Variants in RANBP2 observed in about 807,000 individuals in gnomAD.
RANBP2 encodes the protein E3 SUMO-protein ligase RanBP2.
Under a neutral mutation model 303.6 loss-of-function variants are expected in RANBP2, and 57 were observed. The ratio of observed to expected loss-of-function variants is 0.19; its 90% CI spans 0.15 to 0.23. The LOEUF is 0.23. Ranked by LOEUF, RANBP2 falls within the 10% of genes least tolerant of loss-of-function variation. RANBP2 has a pLI of 1.00. For missense variants in RANBP2, 3,138 were observed against 3,780.8 expected, an observed-to-expected ratio of 0.83 and a Z score of 4.46; for synonymous variants, 1,167 against 1,301.5, an observed-to-expected ratio of 0.90 and a Z score of 2.23.
the RANBP2 span, among the ~76,000 whole-genome samples, chr2:109,338,923 C>T: frequency 7.2e-5 from 11 of 151,820 alleles, no homozygotes; most frequent in South Asian, 2.1e-4. Context: ...ATAACACAAA[C>T]AGTTGATCAA....
chr2:108,740,804 G>C, intron 7 of RANBP2, 123 bp downstream of exon 7: 1 of 1,253,840 alleles, frequency 8.0e-7, no homozygotes, highest in Admixed American at 1.8e-5. Flanking sequence ...AGTTGAAATA[G>C]TCAATTTGAT....
chr2:109,419,964 G>A, the RANBP2 span, among the ~76,000 whole-genome samples: 3 of 152,244 alleles, frequency 2.0e-5, no homozygotes, highest in Non-Finnish European at 2.9e-5. Flanking sequence ...GTCCGAGATT[G>A]AGGGGAGAGG....
In RANBP2 at chr2:108,764,058, G is replaced by T; in HGVS notation, c.3519G>T (p.Glu1173Asp). The part of the protein sequence containing the change: ...GDDDDDGPHF[E>D]PVVPLPDKIE... ...ATGATGATGACGGTCCTCACTTTGA[G>T]CCTGTAGTACCTCTTCCTGATAAGA... The change falls in exon 20 of 29, where the codon GAG becomes GAT. Residue 1173 changes from glutamate (E) to aspartate (D), a missense_variant. Around this residue, in one of 20 missense-constraint regions of RANBP2, gnomAD observed 403 missense variants for 376.7 expected, o/e 1.07. Coordinates refer to ENST00000283195, the MANE Select transcript of RANBP2 (RefSeq NM_006267.5). The T allele has an allele frequency of 6.2e-7, 1 of 1,614,048 alleles. No individual in the cohort carries two copies. The highest frequency in any genetic ancestry group is 8.5e-7 in the Non-Finnish European group (1 of 1,179,978).
intron 17 of RANBP2, 85 bp from the exon 18 acceptor site, chr2:108,758,328 T>A (rs1676474493): frequency 1.9e-6 from 3 of 1,563,254 alleles, no homozygotes; most frequent in Non-Finnish European, 2.6e-6. Flanking sequence ...TTATTTAAAT[T>A]TAAAAGAGTA....
At chr2:108,782,061 T>G (rs1678291243) in intron 26 of RANBP2, 67 bp from the exon 27 acceptor site, 2 of 1,569,030 alleles carry the variant, frequency 1.3e-6, no homozygotes, top group Non-Finnish European at 8.7e-7. Context: ...AGAATTTGGA[T>G]CTTTGAAATT....
At chr2:108,777,058 C>G in intron 24 of RANBP2, 72 bp from the exon 25 acceptor site, 4 of 1,206,670 alleles carry the variant, frequency 3.3e-6, no homozygotes, top group Middle Eastern at 1.9e-4. Context: ...ACTGTTCTCT[C>G]TAGGTCCTGG....
At chr2:109,211,454 C>T in the RANBP2 span, among the ~76,000 whole-genome samples, 3 of 152,118 alleles carry the variant, frequency 2.0e-5, no homozygotes, top group African/African-American at 7.2e-5. Context: ...GGAGTAGGGG[C>T]CGTGTCTGAG....
chr2:109,470,216 T>A, the RANBP2 span, among the ~76,000 whole-genome samples: 2 of 152,108 alleles, frequency 1.3e-5, no homozygotes, highest in African/African-American at 4.8e-5. Flanking sequence ...AGAGATGAGA[T>A]TACTTTGGAA....
chr2:109,131,011 TA>T, the RANBP2 span, among the ~76,000 whole-genome samples: 48 of 152,054 alleles, frequency 3.2e-4, no homozygotes, highest in African/African-American at 1.1e-3. Flanking sequence ...ACTTAAATGT[TA>T]AAAAAAATAC....
the RANBP2 span, chr2:108,839,263 A>G: frequency 1.9e-6 from 3 of 1,612,846 alleles, no homozygotes; most frequent in South Asian, 2.2e-5. Flanking sequence ...TGTAAAATTT[A>G]TATATTGGTC....
At chr2:109,638,512 A>G in the RANBP2 span, among the ~76,000 whole-genome samples, 2 of 152,180 alleles carry the variant, frequency 1.3e-5, no homozygotes, top group Non-Finnish European at 1.5e-5. Flanking sequence ...TGAGCCATCT[A>G]CAAAAAGATA....
chr2:108,749,890 C>G (rs1224524799), intron 9 of RANBP2, among the ~76,000 whole-genome samples: 1 of 152,170 alleles, frequency 6.6e-6, no homozygotes, highest in Non-Finnish European at 1.5e-5. Flanking sequence ...TGGCTCATAT[C>G]TGTAATCCCA....
chr2:109,576,081 G>A, the RANBP2 span, among the ~76,000 whole-genome samples: 1 of 151,810 alleles, frequency 6.6e-6, no homozygotes, highest in Non-Finnish European at 1.5e-5. Flanking sequence ...ACAACACAGC[G>A]AGACCCCCAT....
the RANBP2 span, among the ~76,000 whole-genome samples, chr2:109,425,879 C>A: frequency 5.3e-5 from 8 of 152,108 alleles, no homozygotes; most frequent in African/African-American, 1.7e-4. Context: ...TTTAAAAGTA[C>A]ATCTTTTTCT....
At chr2:108,873,705 C>A in the RANBP2 span, 1 of 632,334 alleles carries the variant, frequency 1.6e-6, no homozygotes, top group Non-Finnish European at 2.6e-6. Context: ...GAAGAATTGC[C>A]TTGTGCCACA....
the RANBP2 span, among the ~76,000 whole-genome samples, chr2:109,105,408 G>T: frequency 6.6e-6 from 1 of 152,144 alleles, no homozygotes; most frequent in Non-Finnish European, 1.5e-5. Context: ...AGAATCAGGG[G>T]AGAAGCAATG....
At chr2:109,628,729 C>T in the RANBP2 span, among the ~76,000 whole-genome samples, 1 of 152,096 alleles carries the variant, frequency 6.6e-6, no homozygotes, top group Non-Finnish European at 1.5e-5. Flanking sequence ...TGCTTCAAGG[C>T]ACTTTGCCAA....
chr2:109,688,219 C>T, the RANBP2 span, among the ~76,000 whole-genome samples: 1 of 152,082 alleles, frequency 6.6e-6, no homozygotes, highest in African/African-American at 2.4e-5. Context: ...CAGGAAAGGC[C>T]CTCCTGAGGC....
the RANBP2 span, among the ~76,000 whole-genome samples, chr2:109,649,057 G>A: frequency 6.6e-6 from 1 of 152,116 alleles, no homozygotes; most frequent in Non-Finnish European, 1.5e-5. Flanking sequence ...TGACGGCCTG[G>A]TGCTCGGTAA....
Sources: allele counts gnomAD v4.1 joint callset (sites outside exome capture counted in the v4.1 genomes callset), GRCh38; gene constraint gnomAD v4.1.1; regional missense constraint gnomAD v4.1.1; transcripts MANE v1.5; gene names NCBI Gene and HGNC (gene_info 2026-07-23, HGNC 2026-07-21).